Variants in XPO1 observed in about 807,000 individuals in gnomAD.
XPO1 encodes exportin-1.
Under a neutral mutation model 133.3 loss-of-function variants are expected in XPO1, and 5 were observed. The observed-to-expected ratio is 0.04, with a 90% CI of 0.02 to 0.08. The LOEUF (loss-of-function observed/expected upper bound fraction) is 0.08. XPO1 is among the 10% of genes least tolerant of loss of function. XPO1 has a pLI of 1.00. For missense variants in XPO1, 506 were observed against 1,267.5 expected (o/e 0.40, Z 9.12); for synonymous variants, 419 against 408.2 (o/e 1.03, Z -0.32).
chr2:61,513,585 A>C (rs1293346491), intron 4 of XPO1, among the ~76,000 whole-genome samples: 1 of 151,412 alleles, frequency 6.6e-6, no homozygotes, highest in Admixed American at 6.6e-5. Flanking sequence ...TCGGCCTCCC[A>C]AATTGCTGGA....
At chr2:61,497,507 G>A (rs1452566441) in intron 9 of XPO1, among the ~76,000 whole-genome samples, 2 of 152,284 alleles carry the variant, frequency 1.3e-5, no homozygotes, top group South Asian at 2.1e-4. Flanking sequence ...CACAGCGCCC[G>A]GCCTAAACTG....
intron 7 of XPO1, among the ~76,000 whole-genome samples, chr2:61,499,309 A>T (rs1022816975): frequency 2.6e-5 from 4 of 152,180 alleles, no homozygotes; most frequent in Non-Finnish European, 5.9e-5. Context: ...GCTATTTGGG[A>T]AACTGAGGCA....
chr2:61,478,202 C>T lies in XPO1; in HGVS notation c.*618G>A. 1 of 233,454 alleles carries T rather than the reference C, an allele frequency of 4.3e-6. No homozygotes were observed. Among genetic ancestry groups the T allele is most frequent in the Admixed American group, 5.6e-5 (1 of 17,778 alleles). The allele number at this position is 233,454 out of a possible 1,614,324, so 14.5% of individuals were successfully genotyped here. ...AAGCGACAGCACACACACACAAAAA[C>T]AAAAAGAACTGTGTAAAAATAACTA... is the stretch of plus-strand genomic sequence containing the variant. On this transcript the variant is annotated 3_prime_UTR_variant, in exon 25 of 25. Coordinates refer to ENST00000401558, the MANE Select transcript of XPO1 (RefSeq NM_003400.4).
intron 17 of XPO1, among the ~76,000 whole-genome samples, chr2:61,490,385 G>A (rs1265113318): frequency 6.6e-6 from 1 of 151,962 alleles, no homozygotes; most frequent in Non-Finnish European, 1.5e-5. Flanking sequence ...TTTTAGTAGA[G>A]ACGGGGTTTT....
chr2:61,490,578 A>T (rs983816730), intron 17 of XPO1, 64 bp downstream of exon 17: 178 of 1,600,650 alleles, frequency 1.1e-4, no homozygotes, highest in Middle Eastern at 1.8e-4. Flanking sequence ...AATTCAATAC[A>T]TTTGTAAAGA....
chr2:61,536,338 G>A (rs1257576283), intron 1 of XPO1: 1 of 152,172 alleles, frequency 6.6e-6, no homozygotes, highest in East Asian at 1.9e-4. Flanking sequence ...TATACAATCA[G>A]ACAGCAAACA....
intron 24 of XPO1, 137 bp from the exon 25 acceptor site, chr2:61,479,103 GA>G: frequency 2.1e-6 from 2 of 970,088 alleles, no homozygotes; most frequent in East Asian, 2.6e-5. Context: ...TAAATTATAG[GA>G]TAGTGACACA....
rs761180130 is a variant in XPO1, at chr2:61,498,924, A to T, written c.591-11T>A. 6.4e-7 allele frequency: 1 copy of T among 1,573,290 alleles called. No homozygotes were observed. The highest frequency in any genetic ancestry group is 8.6e-7 in the Non-Finnish European group (1 of 1,162,460). On this transcript the variant is annotated splice_polypyrimidine_tract_variant and intron_variant, in intron 7 of 24. Transcript: ENST00000401558. ...AATTCATTGCACATGCTAAAAAAAA[A>T]AACACACAAAAATATCAGATTTAGA...
intron 4 of XPO1, among the ~76,000 whole-genome samples, chr2:61,509,387 C>T (rs1223100691): frequency 6.6e-6 from 1 of 152,036 alleles, no homozygotes; most frequent in Admixed American, 6.6e-5. Flanking sequence ...CCTGTAATCC[C>T]AACACAAGGC....
intron 3 of XPO1, chr2:61,525,813 G>A (rs961099386): frequency 9.6e-7 from 1 of 1,038,532 alleles, no homozygotes; most frequent in Non-Finnish European, 1.2e-6. Context: ...TGTATATCAA[G>A]TGGAAACCTT....
At chr2:61,481,421 GC>G (rs1172105617) in intron 23 of XPO1, 140 bp from the exon 24 acceptor site, 4 of 434,510 alleles carry the variant, frequency 9.2e-6, no homozygotes, top group South Asian at 1.5e-4. Flanking sequence ...ACATTCTCCT[GC>G]CTCAGCGTCC....
intron 4 of XPO1, among the ~76,000 whole-genome samples, chr2:61,517,170 G>A (rs1698434606): frequency 6.6e-6 from 1 of 152,038 alleles, no homozygotes; most frequent in Non-Finnish European, 1.5e-5. Flanking sequence ...CAAAGTGCTG[G>A]GATTACAGGT....
At position 61,481,355 on chromosome 2, in the gene XPO1, C is replaced by A; in HGVS notation, c.2973-74G>T. The A allele has an allele frequency of 1.2e-5, 14 of 1,161,728 alleles. No homozygotes were observed. In the South Asian group the frequency reaches 2.1e-4, roughly 18 times the overall value. 72.0% of individuals were successfully genotyped at this position (1,161,728 alleles called of 1,614,324 possible). ...GACAGAGTATTGCTCTGTCACCAGG[C>A]TGGAGTACAGTGGCATGATCTCTGC... On this transcript the variant is annotated intron_variant, in intron 23 of 24. Coordinates refer to ENST00000401558, the MANE Select transcript of XPO1 (RefSeq NM_003400.4).
At chr2:61,525,891 C>T (rs947396429) in intron 3 of XPO1, 3 of 1,047,432 alleles carry the variant, frequency 2.9e-6, no homozygotes. Context: ...CGTGAATCAT[C>T]AAGCCTAAAA....
intron 3 of XPO1, among the ~76,000 whole-genome samples, chr2:61,523,156 T>A (rs1698769881): frequency 6.6e-6 from 1 of 152,232 alleles, no homozygotes; most frequent in Non-Finnish European, 1.5e-5. Context: ...ACAGATACTT[T>A]CTATAGAAAG....
chr2:61,526,618 G>A, intron 2 of XPO1, 97 bp from the exon 3 acceptor site: 1 of 828,650 alleles, frequency 1.2e-6, no homozygotes, highest in East Asian at 3.2e-5. Flanking sequence ...AATTCTAATT[G>A]GACAGAGATT....
intron 21 of XPO1, 164 bp from the exon 22 acceptor site, chr2:61,483,255 A>G: frequency 1.5e-6 from 1 of 664,986 alleles, no homozygotes; most frequent in East Asian, 2.9e-5. Flanking sequence ...ATAATGGAAT[A>G]CAACTATATC....
intron 3 of XPO1, 113 bp downstream of exon 3, chr2:61,526,307 C>G: frequency 6.9e-7 from 1 of 1,448,642 alleles, no homozygotes; most frequent in Non-Finnish European, 9.0e-7. Context: ...AACAAATTAA[C>G]AATATAAAAT....
intron 3 of XPO1, chr2:61,525,977 A>T: frequency 9.4e-7 from 1 of 1,058,382 alleles, no homozygotes; most frequent in Non-Finnish European, 1.1e-6. Flanking sequence ...TTCCATTGTA[A>T]ATAAAAACTG....
Sources: allele counts gnomAD v4.1 joint callset (sites outside exome capture counted in the v4.1 genomes callset), GRCh38; gene constraint gnomAD v4.1.1; transcripts MANE v1.5; gene names NCBI Gene and HGNC (gene_info 2026-07-23, HGNC 2026-07-21).